CTBP2: variants seen among roughly 807,000 people sequenced by gnomAD.
CTBP2 encodes C-terminal-binding protein 2.
CTBP2 carries 30 observed loss-of-function variants against 80.3 expected under a neutral mutation model. The observed-to-expected ratio is 0.37, with a 90% CI of 0.28 to 0.51. CTBP2 has a LOEUF of 0.51. CTBP2 is among the 20% of genes least tolerant of loss of function. CTBP2 has a pLI of 0.93. For synonymous variants in CTBP2, 594 were observed against 587.4 expected, an observed-to-expected ratio of 1.01 and a Z score of -0.16; for missense variants, 1,212 against 1,375.3, an observed-to-expected ratio of 0.88 and a Z score of 1.88.
intron 2 of CTBP2, among the ~76,000 whole-genome samples, chr10:125,105,673 A>T (rs953354406): frequency 7.9e-5 from 12 of 152,082 alleles, no homozygotes; most frequent in Non-Finnish European, 1.0e-4. Flanking sequence ...AAACCAAGAC[A>T]TTTTTTTAAA....
rs1039327922 is a variant in CTBP2, at chr10:125,026,707, G to A, written c.1053C>T (p.Thr351=). The change falls in exon 1 of 9, where the codon ACC becomes ACT. Residue 351 remains threonine (T), a synonymous_variant. Coordinates refer to ENST00000309035, the MANE Select transcript of CTBP2 (RefSeq NM_022802.3). ...GGTCCTGCCTCCGCAGCTGCATTTCGGTCCTGCAGCTATTGGCCAGGCGGC... is the reference window on the plus strand; with the variant it reads ...GGTCCTGCCTCCGCAGCTGCATTTCAGTCCTGCAGCTATTGGCCAGGCGGC... The A allele has an allele frequency of 1.5e-5, 24 of 1,612,428 alleles. No homozygotes were observed. The highest frequency in any genetic ancestry group is 2.0e-5 in the Non-Finnish European group (24 of 1,179,794).
intron 1 of CTBP2, among the ~76,000 whole-genome samples, chr10:125,142,772 G>T (rs1858054468): frequency 6.6e-6 from 1 of 152,108 alleles, no homozygotes; most frequent in African/African-American, 2.4e-5. Context: ...ACCCCACCAG[G>T]CTTCCTTGAA....
intron 1 of CTBP2, among the ~76,000 whole-genome samples, chr10:125,132,717 C>T (rs866896961): frequency 5.9e-5 from 9 of 152,190 alleles, no homozygotes; most frequent in Middle Eastern, 3.2e-3. Flanking sequence ...ATAAAAAAAA[C>T]TCCACTAAAA....
Position 125,026,102 on chromosome 10 carries a change from G to A in CTBP2, c.1658C>T (p.Thr553Ile). The A allele has an allele frequency of 3.2e-6, 5 of 1,574,186 alleles. No individual in the cohort carries two copies. The highest frequency in any genetic ancestry group is 4.3e-6 in the Non-Finnish European group (5 of 1,155,794). Residue 553 changes from threonine (T) to isoleucine (I), a missense_variant, in exon 1 of 9, where the codon ACC becomes ATC. This residue lies in a region of CTBP2 where 848 missense variants were observed against 782.3 expected (regional missense o/e 1.08). Transcript: ENST00000309035. ...ATTACTTGGTTCTGGTGCAAGCATGGTGGACACGATGATGGGTGCCCCTGT... is the reference window on the plus strand; with the variant it reads ...ATTACTTGGTTCTGGTGCAAGCATGATGGACACGATGATGGGTGCCCCTGT...
chr10:125,082,524 A>C (rs542247758), intron 2 of CTBP2, among the ~76,000 whole-genome samples: 1 of 151,660 alleles, frequency 6.6e-6, no homozygotes, highest in Admixed American at 6.6e-5. Flanking sequence ...CCCCATGAGG[A>C]GAGTATGGTG....
intron 1 of CTBP2, among the ~76,000 whole-genome samples, chr10:125,128,156 TAC>T (rs1855569679): frequency 6.6e-6 from 1 of 152,126 alleles, no homozygotes; most frequent in African/African-American, 2.4e-5. Flanking sequence ...CTGTCTAGAA[TAC>T]CTACTTAGCC....
rs1952058528 is a variant in CTBP2, at chr10:124,986,873, C to T, written c.*2645G>A. On this transcript the variant is annotated 3_prime_UTR_variant, in exon 9 of 9. Coordinates refer to ENST00000309035, the MANE Select transcript of CTBP2 (RefSeq NM_022802.3). ...AAAAGCATGTAGCCATTGCAGTCTG[C>T]ATTGCAGCCAGCGTTGTCCAGAGTA... The T allele has an allele frequency of 8.9e-6, 1 of 112,646 alleles. No individual in the cohort carries two copies. Among genetic ancestry groups the T allele is most frequent in the South Asian group, 3.3e-4 (1 of 3,004 alleles). 7.0% of individuals were successfully genotyped at this position (112,646 alleles called of 1,614,324 possible).
At chr10:125,099,018 C>T (rs768978325) in intron 2 of CTBP2, among the ~76,000 whole-genome samples, 56 of 152,206 alleles carry the variant, frequency 3.7e-4, no homozygotes, top group Admixed American at 2.7e-3. Context: ...CCTTTCCACG[C>T]GCTGTCGGTC....
intron 2 of CTBP2, among the ~76,000 whole-genome samples, chr10:125,106,619 C>G (rs1016656904): frequency 6.6e-6 from 1 of 152,194 alleles, no homozygotes; most frequent in African/African-American, 2.4e-5. Flanking sequence ...GACTCCTGGC[C>G]CCGCCAAGAG....
At chr10:125,142,452 C>T (rs1227184247) in intron 1 of CTBP2, among the ~76,000 whole-genome samples, 1 of 152,150 alleles carries the variant, frequency 6.6e-6, no homozygotes, top group African/African-American at 2.4e-5. Context: ...GAGTGATTTC[C>T]TTAGTGGTGG....
chr10:125,021,281 A>T (rs1467440057), intron 1 of CTBP2, among the ~76,000 whole-genome samples: 1 of 152,224 alleles, frequency 6.6e-6, no homozygotes, highest in African/African-American at 2.4e-5. Flanking sequence ...GAAGCAGAGG[A>T]AACAGGTTCA....
At chr10:125,077,734 G>A (rs1300545416) in intron 2 of CTBP2, among the ~76,000 whole-genome samples, 9 of 152,150 alleles carry the variant, frequency 5.9e-5, no homozygotes, top group African/African-American at 1.9e-4. Flanking sequence ...TGGGGGCACC[G>A]TGGTGATGCC....
intron 1 of CTBP2, among the ~76,000 whole-genome samples, chr10:125,018,031 C>T (rs867949133): frequency 2.6e-5 from 4 of 152,236 alleles, no homozygotes; most frequent in Admixed American, 1.3e-4. Flanking sequence ...GCTTCCAGCT[C>T]GGACTGGTGT....
At chr10:124,990,603 T>C (rs1363194113) in intron 8 of CTBP2, among the ~76,000 whole-genome samples, 1 of 152,236 alleles carries the variant, frequency 6.6e-6, no homozygotes, top group Non-Finnish European at 1.5e-5. Flanking sequence ...TTCTGACTGA[T>C]AAAATGATTT....
intron 2 of CTBP2, among the ~76,000 whole-genome samples, chr10:125,051,063 C>A (rs1335411096): frequency 6.6e-6 from 1 of 152,108 alleles, no homozygotes; most frequent in East Asian, 1.9e-4. Flanking sequence ...GAATTCTTGA[C>A]AAGGTAATGG....
intron 8 of CTBP2, among the ~76,000 whole-genome samples, chr10:124,991,923 C>T (rs73373174): frequency 0.06 from 8,861 of 148,210 alleles, 877 homozygotes; most frequent in African/African-American, 0.21. Flanking sequence ...AAAACCGATT[C>T]GTGCATGGAA....
intron 2 of CTBP2, among the ~76,000 whole-genome samples, chr10:125,073,962 C>T (rs1321468298): frequency 1.3e-5 from 2 of 152,156 alleles, no homozygotes; most frequent in Non-Finnish European, 2.9e-5. Context: ...ATCTTCAATC[C>T]CACCCAGCAC....
intron 2 of CTBP2, among the ~76,000 whole-genome samples, chr10:125,039,948 G>A (rs2134995279): frequency 1.3e-5 from 2 of 152,294 alleles, no homozygotes; most frequent in Admixed American, 1.3e-4. Context: ...TGTGGTTTGG[G>A]GTATGTGGGA....
At chr10:125,048,907 C>T (rs1037603679) in intron 2 of CTBP2, among the ~76,000 whole-genome samples, 6 of 152,188 alleles carry the variant, frequency 3.9e-5, no homozygotes, top group African/African-American at 1.4e-4. Context: ...CAAGTATGAT[C>T]TTAAGATATA....
Sources: allele counts gnomAD v4.1 joint callset (sites outside exome capture counted in the v4.1 genomes callset), GRCh38; gene constraint gnomAD v4.1.1; regional missense constraint gnomAD v4.1.1; transcripts MANE v1.5; gene names NCBI Gene and HGNC (gene_info 2026-07-23, HGNC 2026-07-21).